TANK: variants seen among roughly 807,000 people sequenced by gnomAD.
The protein encoded by TANK is TRAF family member associated NFKB activator.
A neutral mutation model predicts 43.6 loss-of-function variants in TANK; 15 were observed. That is an observed-to-expected ratio of 0.34 (90% confidence interval 0.23 to 0.53). The LOEUF (loss-of-function observed/expected upper bound fraction) is 0.53. Ranked by LOEUF, TANK falls within the 20% of genes least tolerant of loss-of-function variation. The pLI is 0.94. For missense variants in TANK, 417 were observed against 498.6 expected, an observed-to-expected ratio of 0.84 and a Z score of 1.56; for synonymous variants, 162 against 178.2, an observed-to-expected ratio of 0.91 and a Z score of 0.73.
At chr2:161,181,808 A>G (rs1685440897) in intron 2 of TANK, among the ~76,000 whole-genome samples, 2 of 152,160 alleles carry the variant, frequency 1.3e-5, no homozygotes, top group South Asian at 4.1e-4. Flanking sequence ...TCACTAGCCA[A>G]GGGAAAACTT....
rs140461742 is a variant in TANK at position 161,188,301 on chromosome 2, T to C, written c.99+8540T>C. On this transcript the variant is annotated intron_variant, in intron 2 of 7. Transcript: ENST00000392749. The stretch of plus-strand genomic sequence containing the variant: ...GAAATGTGACAAACCTTTAGTTAGC[T>C]TGACTAAAAAAAGAGGGAAGACAAA... Among the ~76,000 whole-genome samples the C allele has an allele frequency of 1.1e-3, 160 of 152,162 alleles. 1 individual carries two copies. Among genetic ancestry groups the C allele is most frequent in the African/African-American group, 3.6e-3 (149 of 41,534 alleles).
chr2:161,162,623 A>G (rs1324862645), intron 1 of TANK: 1 of 152,092 alleles, frequency 6.6e-6, no homozygotes, highest in Non-Finnish European at 1.5e-5. Flanking sequence ...TGTTTTTATT[A>G]TGTCATCATT....
chr2:161,179,999 T>A (rs1685349652), intron 2 of TANK: 2 of 1,184,298 alleles, frequency 1.7e-6, no homozygotes, highest in Non-Finnish European at 2.1e-6. Flanking sequence ...TGTGAAAGAT[T>A]GTGAATGTTG....
At chr2:161,140,461 T>C (rs894906477) in intron 1 of TANK, among the ~76,000 whole-genome samples, 1 of 152,098 alleles carries the variant, frequency 6.6e-6, no homozygotes, top group Non-Finnish European at 1.5e-5. Flanking sequence ...ATGATGCATT[T>C]TGTCCATTTG....
chr2:161,169,336 A>G (rs972064128), intron 1 of TANK, among the ~76,000 whole-genome samples: 11 of 152,246 alleles, frequency 7.2e-5, no homozygotes, highest in Non-Finnish European at 1.2e-4. Flanking sequence ...TTTCAGGGAA[A>G]AAAGTTTTCA....
At chr2:161,141,028 C>T (rs1163321421) in intron 1 of TANK, among the ~76,000 whole-genome samples, 2 of 151,976 alleles carry the variant, frequency 1.3e-5, no homozygotes, top group African/African-American at 2.4e-5. Flanking sequence ...ATAGTTTATT[C>T]GGGTTTTCTT....
At chr2:161,220,683 T>A (rs1687303006) in intron 4 of TANK, among the ~76,000 whole-genome samples, 2 of 152,228 alleles carry the variant, frequency 1.3e-5, no homozygotes, top group South Asian at 2.1e-4. Context: ...AAAAATATGG[T>A]TTCAAATGAC....
chr2:161,215,318 C>T (rs1188042055), intron 4 of TANK, among the ~76,000 whole-genome samples: 2 of 152,190 alleles, frequency 1.3e-5, no homozygotes, highest in African/African-American at 2.4e-5. Context: ...TCCAGCATCT[C>T]CTCAGGAACC....
chr2:161,192,209 G>A (rs1685948612), intron 2 of TANK, among the ~76,000 whole-genome samples: 1 of 152,072 alleles, frequency 6.6e-6, no homozygotes, highest in Non-Finnish European at 1.5e-5. Context: ...ATACCCATTT[G>A]TATCACTGCT....
chr2:161,161,388 G>A, intron 1 of TANK: 2 of 1,550,852 alleles, frequency 1.3e-6, no homozygotes, highest in Non-Finnish European at 1.7e-6. Flanking sequence ...TCTTACCGCG[G>A]TTGGAATACA....
At chr2:161,197,726 C>G (rs1686218987) in intron 2 of TANK, among the ~76,000 whole-genome samples, 1 of 152,066 alleles carries the variant, frequency 6.6e-6, no homozygotes, top group African/African-American at 2.4e-5. Context: ...AAGGACTGAA[C>G]TCTGTGTGAA....
intron 2 of TANK, among the ~76,000 whole-genome samples, chr2:161,184,904 A>G (rs1685587860): frequency 6.6e-6 from 1 of 151,874 alleles, no homozygotes; most frequent in South Asian, 2.1e-4. Flanking sequence ...AAGTGTAGAT[A>G]TGGAAGTAAT....
At position 161,204,650 on chromosome 2, in the gene TANK, T is replaced by C. The variant is rs746900203; in HGVS notation, c.209-25T>C. ...ACCAAAAATAAGGGTTTTCTGCTAA[T>C]GTCCAAGAGGTTTTTGTCTTGCAGA... On this transcript the variant is annotated intron_variant, in intron 3 of 7. Transcript: ENST00000392749. 1.0e-5 allele frequency: 16 copies of C among 1,587,978 alleles called. No individual in the cohort carries two copies. In the African/African-American group the frequency reaches 1.9e-4, roughly 19 times the overall value.
intron 7 of TANK, 26 bp downstream of exon 7, chr2:161,231,577 A>G (rs746964907): frequency 6.3e-7 from 1 of 1,589,946 alleles, no homozygotes; most frequent in East Asian, 2.2e-5. Context: ...TAACAAATAT[A>G]TTATTATGTG....
chr2:161,177,008 C>T (rs1285296855), intron 1 of TANK, among the ~76,000 whole-genome samples: 5 of 152,088 alleles, frequency 3.3e-5, no homozygotes, highest in African/African-American at 9.7e-5. Context: ...TTTTTAATCT[C>T]ATGTATTTTT....
intron 4 of TANK, among the ~76,000 whole-genome samples, chr2:161,208,899 G>A (rs1686762543): frequency 6.6e-6 from 1 of 152,166 alleles, no homozygotes; most frequent in Non-Finnish European, 1.5e-5. Flanking sequence ...AAGAAATTAA[G>A]CTGCACCCCT....
At chr2:161,231,642 A>G in intron 7 of TANK, 91 bp downstream of exon 7, 1 of 1,208,012 alleles carries the variant, frequency 8.3e-7, no homozygotes, top group South Asian at 1.3e-5. Flanking sequence ...ACGTTATCAA[A>G]CATCCTTTTT....
chr2:161,142,063 A>G (rs1041740644), intron 1 of TANK, among the ~76,000 whole-genome samples: 18 of 152,134 alleles, frequency 1.2e-4, no homozygotes, highest in African/African-American at 4.3e-4. Context: ...TTTGATTTGC[A>G]TTTCTCTAAT....
intron 2 of TANK, among the ~76,000 whole-genome samples, chr2:161,194,046 C>A (rs959097366): frequency 1.3e-5 from 2 of 152,122 alleles, no homozygotes; most frequent in African/African-American, 4.8e-5. Flanking sequence ...AGTTACTTGT[C>A]ATCAATTTCT....
Sources: allele counts gnomAD v4.1 joint callset (sites outside exome capture counted in the v4.1 genomes callset), GRCh38; gene constraint gnomAD v4.1.1; transcripts MANE v1.5; gene names NCBI Gene and HGNC (gene_info 2026-07-23, HGNC 2026-07-21).